The following TSPAN18 variants were observed in gnomAD, a reference collection of about 807,000 sequenced individuals.
The protein encoded by TSPAN18 is tetraspanin-18.
A neutral mutation model predicts 27.3 loss-of-function variants in TSPAN18; 14 were observed. The observed-to-expected ratio is 0.51, with a 90% CI of 0.34 to 0.80. The LOEUF is 0.80. TSPAN18 is among the 30% of genes least tolerant of loss of function. TSPAN18 has a pLI of 0.01. For synonymous variants in TSPAN18, 143 were observed against 136.5 expected (o/e 1.05, Z -0.33); for missense variants, 268 against 323.9 (o/e 0.83, Z 1.32).
rs948653449 is a variant in TSPAN18 at position 44,857,736 on chromosome 11, G to A, written c.-152-2592G>A. Reference sequence around the variant, plus strand: ...TCCCAGCCCCATCCACCACTCAGCCGTATCCTCCCCAACTGGCACTTCTGG... The same window carrying A: ...TCCCAGCCCCATCCACCACTCAGCCATATCCTCCCCAACTGGCACTTCTGG... On this transcript the variant is annotated intron_variant, in intron 2 of 9. Transcript: ENST00000520358. Among the ~76,000 whole-genome samples the A allele has an allele frequency of 3.3e-5, 5 of 152,170 alleles. No homozygotes were observed. In the East Asian group the frequency reaches 7.7e-4, roughly 23 times the overall value.
chr11:44,830,313 T>G (rs533078160), intron 2 of TSPAN18, among the ~76,000 whole-genome samples: 2 of 152,354 alleles, frequency 1.3e-5, no homozygotes, highest in Non-Finnish European at 2.9e-5. Context: ...TATTTCAAAC[T>G]GGACTTACAG....
chr11:44,758,330 A>T (rs1855378422), intron 1 of TSPAN18, among the ~76,000 whole-genome samples: 1 of 152,166 alleles, frequency 6.6e-6, no homozygotes. Flanking sequence ...TTTCCTCTTC[A>T]TTCTGTTGAT....
At chr11:44,863,737 G>C (rs1041412516) in intron 3 of TSPAN18, among the ~76,000 whole-genome samples, 1 of 152,134 alleles carries the variant, frequency 6.6e-6, no homozygotes, top group African/African-American at 2.4e-5. Context: ...GTTCGGATCT[G>C]AGCTCTGCTA....
intron 2 of TSPAN18, among the ~76,000 whole-genome samples, chr11:44,819,571 A>G (rs1450968513): frequency 6.6e-6 from 1 of 152,184 alleles, no homozygotes; most frequent in Admixed American, 6.5e-5. Flanking sequence ...CACAGTCAAC[A>G]TGGAACTCCT....
At chr11:44,744,480 C>G (rs1855024496) in intron 1 of TSPAN18, among the ~76,000 whole-genome samples, 1 of 152,204 alleles carries the variant, frequency 6.6e-6, no homozygotes, top group South Asian at 2.1e-4. Context: ...AGAGAGAGCT[C>G]TGGCTTAGAA....
intron 7 of TSPAN18, 90 bp downstream of exon 7, chr11:44,919,402 GCA>G: frequency 8.9e-7 from 1 of 1,127,410 alleles, no homozygotes; most frequent in South Asian, 1.3e-5. Context: ...ATCAATCCAG[GCA>G]CTCTCCCATT....
At chr11:44,916,426 C>T (rs1038574067) in intron 5 of TSPAN18, among the ~76,000 whole-genome samples, 2 of 152,174 alleles carry the variant, frequency 1.3e-5, no homozygotes, top group East Asian at 1.9e-4. Flanking sequence ...AGCCGGGCCT[C>T]GGAGGCCACA....
intron 2 of TSPAN18, among the ~76,000 whole-genome samples, chr11:44,784,264 G>A (rs954406222): frequency 6.6e-6 from 1 of 152,156 alleles, no homozygotes; most frequent in Non-Finnish European, 1.5e-5. Context: ...GCTGTAGTTA[G>A]ACTGTGGGGC....
intron 1 of TSPAN18, among the ~76,000 whole-genome samples, chr11:44,749,854 C>T (rs1855170351): frequency 6.6e-6 from 1 of 152,028 alleles, no homozygotes; most frequent in Non-Finnish European, 1.5e-5. Flanking sequence ...GCCAGGGTGG[C>T]CTCCATCTCC....
chr11:44,817,876 T>C (rs1427961671), intron 2 of TSPAN18, among the ~76,000 whole-genome samples: 1 of 152,202 alleles, frequency 6.6e-6, no homozygotes, highest in African/African-American at 2.4e-5. Flanking sequence ...ACCTGACCAC[T>C]GTGGTCCAGG....
At chr11:44,760,467 A>T (rs142834695) in intron 1 of TSPAN18, among the ~76,000 whole-genome samples, 3 of 152,196 alleles carry the variant, frequency 2.0e-5, no homozygotes, top group Non-Finnish European at 4.4e-5. Flanking sequence ...TTGCACAGGG[A>T]TGCTCTGTTT....
At chr11:44,892,012 A>G (rs917399725) in intron 3 of TSPAN18, among the ~76,000 whole-genome samples, 2 of 152,114 alleles carry the variant, frequency 1.3e-5, no homozygotes, top group Non-Finnish European at 2.9e-5. Context: ...TGCTCTCTGA[A>G]CCCCAGGGAA....
intron 2 of TSPAN18, among the ~76,000 whole-genome samples, chr11:44,802,354 G>C (rs576212945): frequency 6.6e-6 from 1 of 151,742 alleles, no homozygotes; most frequent in African/African-American, 2.4e-5. Context: ...ATGGAGTGAG[G>C]GGGTAGTGGT....
At chr11:44,892,479 C>T (rs34090425) in intron 3 of TSPAN18, among the ~76,000 whole-genome samples, 20,178 of 152,308 alleles carry the variant, frequency 0.13, 1,500 homozygotes, top group Middle Eastern at 0.22. Context: ...TTTCAAACTG[C>T]GTGGGTTTCC....
chr11:44,815,609 C>T (rs2135109058), intron 2 of TSPAN18, among the ~76,000 whole-genome samples: 1 of 152,282 alleles, frequency 6.6e-6, no homozygotes, highest in East Asian at 1.9e-4. Context: ...CTGGGGATTG[C>T]TCTAGAATGG....
At chr11:44,835,193 AG>A (rs959612068) in intron 2 of TSPAN18, among the ~76,000 whole-genome samples, 9 of 152,158 alleles carry the variant, frequency 5.9e-5, no homozygotes, top group African/African-American at 1.9e-4. Flanking sequence ...GGCCGTGGGG[AG>A]GGTCCCCGAC....
intron 5 of TSPAN18, 45 bp from the exon 6 acceptor site, chr11:44,917,927 C>T: frequency 6.3e-7 from 1 of 1,599,866 alleles, no homozygotes; most frequent in Admixed American, 1.7e-5. Context: ...CCGCCCCATC[C>T]CCTGCCTGCC....
chr11:44,895,423 C>G (rs946859614), intron 3 of TSPAN18, among the ~76,000 whole-genome samples: 10 of 152,178 alleles, frequency 6.6e-5, no homozygotes, highest in Admixed American at 6.5e-4. Context: ...GTGACTTTCC[C>G]AAGGTCTCCA....
At chr11:44,829,142 A>G (rs1241129917) in intron 2 of TSPAN18, among the ~76,000 whole-genome samples, 1 of 152,328 alleles carries the variant, frequency 6.6e-6, no homozygotes, top group Non-Finnish European at 1.5e-5. Flanking sequence ...ATTTACATCT[A>G]ATATTATTGT....
Sources: gnomAD v4.1 joint callset for allele counts (sites outside exome capture counted in the v4.1 genomes callset) on GRCh38, gnomAD v4.1.1 for gene constraint, MANE v1.5 for transcripts, NCBI Gene and HGNC (gene_info 2026-07-23, HGNC 2026-07-21) for gene names.